AUH: variants seen among roughly 807,000 people sequenced by gnomAD.
AUH encodes AU RNA binding methylglutaconyl-CoA hydratase, also known as methylglutaconyl-CoA hydratase, mitochondrial.
A neutral mutation model predicts 42.3 loss-of-function variants in AUH; 29 were observed. The observed-to-expected ratio is 0.69, with a 90% CI of 0.51 to 0.93. The LOEUF is 0.93. Ranked by LOEUF, AUH falls within the 40% of genes least tolerant of loss-of-function variation. The pLI is 0.00. For missense variants in AUH, 452 were observed against 438.1 expected, an observed-to-expected ratio of 1.03 and a Z score of -0.28; for synonymous variants, 174 against 166.4, an observed-to-expected ratio of 1.05 and a Z score of -0.35.
chr9:91,263,868 T>C (rs919011276), intron 6 of AUH, among the ~76,000 whole-genome samples: 2 of 152,198 alleles, frequency 1.3e-5, no homozygotes, highest in African/African-American at 4.8e-5. Flanking sequence ...TCTCCCAATT[T>C]TTAGCTCTTC....
intron 6 of AUH, chr9:91,294,740 A>G: frequency 2.2e-6 from 1 of 455,968 alleles, no homozygotes; most frequent in South Asian, 1.5e-5. Flanking sequence ...TTGGAAGATG[A>G]TGATTCCAAT....
intron 3 of AUH, among the ~76,000 whole-genome samples, chr9:91,326,199 C>T (rs1263464143): frequency 1.3e-5 from 2 of 152,016 alleles, no homozygotes; most frequent in East Asian, 3.9e-4. Flanking sequence ...AGCTATTTAC[C>T]CTTATTAGTC....
In AUH at chr9:91,217,345, G is replaced by T; in HGVS notation, c.844-18C>A. The T allele has an allele frequency of 6.2e-7, 1 of 1,608,890 alleles. No homozygotes were observed. The highest frequency in any genetic ancestry group is 8.5e-7 in the Non-Finnish European group (1 of 1,175,582). Reference sequence around the variant, plus strand: ...ACAGGTCCCTAAAATTCAAATTAAAGAAACAGACTTCAATTATTTTTTATG... The same window carrying T: ...ACAGGTCCCTAAAATTCAAATTAAATAAACAGACTTCAATTATTTTTTATG... On this transcript the variant is annotated intron_variant, in intron 7 of 9. Transcript: ENST00000375731.
At chr9:91,217,646 G>A (rs913310331) in intron 7 of AUH, among the ~76,000 whole-genome samples, 18 of 152,184 alleles carry the variant, frequency 1.2e-4, no homozygotes, top group Non-Finnish European at 2.1e-4. Context: ...AGTAGAGGAA[G>A]GAAAAGGAGG....
intron 3 of AUH, among the ~76,000 whole-genome samples, chr9:91,347,664 A>C (rs779347312): frequency 2.0e-5 from 3 of 152,184 alleles, no homozygotes; most frequent in Non-Finnish European, 2.9e-5. Flanking sequence ...TATATTTTTT[A>C]TTCTCTTTCA....
intron 6 of AUH, among the ~76,000 whole-genome samples, chr9:91,263,237 TTG>T (rs1348518965): frequency 6.6e-6 from 1 of 152,214 alleles, no homozygotes; most frequent in East Asian, 1.9e-4. Context: ...AGGATATGAT[TTG>T]TGTCATCAAT....
At position 91,346,893 on chromosome 9, in the gene AUH, T is replaced by A. The variant is rs534994637; in HGVS notation, c.418+8990A>T. On this transcript the variant is annotated intron_variant, in intron 3 of 9. Transcript: ENST00000375731. Reference sequence around the variant, plus strand: ...AAAAAAAAACACTTTATTTACTATATGCAACTCAGGAACAGACCAATGGAA... The same window carrying A: ...AAAAAAAAACACTTTATTTACTATAAGCAACTCAGGAACAGACCAATGGAA... Among the ~76,000 whole-genome samples, 7 of 151,994 alleles carry A rather than the reference T, an allele frequency of 4.6e-5. No individual in the cohort carries two copies. In the South Asian group the frequency reaches 1.2e-3, roughly 27 times the overall value.
At chr9:91,216,439 GACACACACAC>G (rs113531404) in intron 8 of AUH, among the ~76,000 whole-genome samples, 2 of 149,626 alleles carry the variant, frequency 1.3e-5, no homozygotes, top group African/African-American at 4.9e-5. Context: ...TTTATGTCGC[GACACACACAC>G]ACACACACAC....
At chr9:91,230,373 C>T (rs1318926572) in intron 6 of AUH, among the ~76,000 whole-genome samples, 3 of 151,836 alleles carry the variant, frequency 2.0e-5, no homozygotes, top group African/African-American at 4.8e-5. Context: ...GCATTCTTCA[C>T]GTAGTTCTCG....
chr9:91,322,707 C>T (rs914525918), intron 4 of AUH, among the ~76,000 whole-genome samples: 2 of 152,122 alleles, frequency 1.3e-5, no homozygotes, highest in African/African-American at 4.8e-5. Context: ...ATAACCTTCA[C>T]ACCAAACCAA....
chr9:91,335,975 G>A (rs1830657611), intron 3 of AUH, among the ~76,000 whole-genome samples: 1 of 152,134 alleles, frequency 6.6e-6, no homozygotes, highest in South Asian at 2.1e-4. Context: ...AACCACTGTG[G>A]ATGAATGTCC....
At chr9:91,307,708 T>C (rs770275204) in intron 4 of AUH, among the ~76,000 whole-genome samples, 2 of 152,238 alleles carry the variant, frequency 1.3e-5, no homozygotes, top group Non-Finnish European at 2.9e-5. Context: ...TTGTTGCTAA[T>C]ATCTTACTAT....
chr9:91,348,416 A>G (rs550007768), intron 3 of AUH, among the ~76,000 whole-genome samples: 1 of 152,340 alleles, frequency 6.6e-6, no homozygotes, highest in East Asian at 1.9e-4. Context: ...GAGAGAAATA[A>G]AATTATGCAT....
chr9:91,289,755 A>ATATC (rs1159840147), intron 6 of AUH, among the ~76,000 whole-genome samples: 3 of 152,148 alleles, frequency 2.0e-5, no homozygotes, highest in African/African-American at 4.8e-5. Flanking sequence ...GATGGCAAAA[A>ATATC]TATCTATGGA....
At chr9:91,361,008 T>C (rs1832806603) in intron 1 of AUH, among the ~76,000 whole-genome samples, 1 of 152,208 alleles carries the variant, frequency 6.6e-6, no homozygotes, top group African/African-American at 2.4e-5. Context: ...TTGCTAATGA[T>C]GTCTCCTCCC....
At chr9:91,263,805 C>T (rs747115672) in intron 6 of AUH, among the ~76,000 whole-genome samples, 1 of 152,114 alleles carries the variant, frequency 6.6e-6, no homozygotes, top group Non-Finnish European at 1.5e-5. Flanking sequence ...TCTACTGATT[C>T]TCCTAAATTT....
chr9:91,219,194 T>A (rs796286671), intron 7 of AUH, among the ~76,000 whole-genome samples: 9 of 152,284 alleles, frequency 5.9e-5, no homozygotes, highest in African/African-American at 2.2e-4. Flanking sequence ...AGAAGCATCA[T>A]GGGAGAGAGA....
At chr9:91,328,395 G>A (rs1830103406) in intron 3 of AUH, among the ~76,000 whole-genome samples, 1 of 152,216 alleles carries the variant, frequency 6.6e-6, no homozygotes, top group Non-Finnish European at 1.5e-5. Flanking sequence ...ACAGCTGCTT[G>A]AGCAACTAAG....
At chr9:91,227,627 TG>T (rs1827590431) in intron 6 of AUH, among the ~76,000 whole-genome samples, 1 of 132,328 alleles carries the variant, frequency 7.6e-6, no homozygotes, top group Admixed American at 8.1e-5. Flanking sequence ...CCCTGTCTTG[TG>T]CCAGTTTTCA....
Sources: allele counts gnomAD v4.1 joint callset (sites outside exome capture counted in the v4.1 genomes callset), GRCh38; gene constraint gnomAD v4.1.1; transcripts MANE v1.5; gene names NCBI Gene and HGNC (gene_info 2026-07-23, HGNC 2026-07-21).